Variants in CEP128 observed in about 807,000 individuals in gnomAD.
CEP128 encodes the protein centrosomal protein 128.
CEP128 carries 132 observed loss-of-function variants against 156.7 expected under a neutral mutation model. The ratio of observed to expected loss-of-function variants is 0.84; its 90% confidence interval spans 0.73 to 0.97. The LOEUF (loss-of-function observed/expected upper bound fraction) is 0.97. Among genes scored for constraint, CEP128 ranks in the 50% least tolerant of loss-of-function variants. The pLI is 0.00. For missense variants in CEP128, 1,252 were observed against 1,281.9 expected (o/e 0.98, Z 0.36); for synonymous variants, 469 against 448.9 (o/e 1.04, Z -0.57).
rs1402344839 is a variant in CEP128, at chr14:80,635,685, G to A, written c.2807-55262C>T. On this transcript the variant is annotated intron_variant, in intron 19 of 24. Coordinates refer to ENST00000555265, the MANE Select transcript of CEP128 (RefSeq NM_152446.5). ...TCTTATGTAAAGCAGATTTATCAGC[G>A]AACAAAGGAACTTAATTCTGGTGAC... 3.3e-5 allele frequency among the ~76,000 whole-genome samples: 5 copies of A among 152,278 alleles called. No homozygotes were observed. In the East Asian group the frequency reaches 9.7e-4, roughly 29 times the overall value.
intron 19 of CEP128, among the ~76,000 whole-genome samples, chr14:80,638,448 A>G (rs1487444624): frequency 6.6e-6 from 1 of 152,094 alleles, no homozygotes. Flanking sequence ...ATGGGCACAG[A>G]GGACCTGGAA....
chr14:80,696,081 G>A (rs936779861), intron 19 of CEP128, among the ~76,000 whole-genome samples: 5 of 151,982 alleles, frequency 3.3e-5, no homozygotes, highest in Non-Finnish European at 2.9e-5. Flanking sequence ...AAACTAAAAC[G>A]CGGTAGAGGA....
At chr14:80,709,170 G>A (rs982538680) in intron 19 of CEP128, among the ~76,000 whole-genome samples, 1 of 149,386 alleles carries the variant, frequency 6.7e-6, no homozygotes, top group African/African-American at 2.5e-5. Flanking sequence ...ACGGAGTTTC[G>A]CTCTTGTCAT....
intron 21 of CEP128, among the ~76,000 whole-genome samples, chr14:80,552,717 T>C (rs768472713): frequency 6.6e-6 from 1 of 152,232 alleles, no homozygotes; most frequent in Non-Finnish European, 1.5e-5. Context: ...TGCTTGCTTA[T>C]GCACTTTGCC....
At chr14:80,626,292 G>A (rs1056079322) in intron 19 of CEP128, among the ~76,000 whole-genome samples, 3 of 150,930 alleles carry the variant, frequency 2.0e-5, no homozygotes, top group Non-Finnish European at 3.0e-5. Context: ...GTGAAACCCC[G>A]TCTCTACTAA....
intron 2 of CEP128, among the ~76,000 whole-genome samples, chr14:80,932,829 T>C (rs1221809639): frequency 1.3e-5 from 2 of 152,136 alleles, no homozygotes; most frequent in Non-Finnish European, 2.9e-5. Flanking sequence ...TTGTCCTCCA[T>C]GAAAAGTGCC....
intron 19 of CEP128, among the ~76,000 whole-genome samples, chr14:80,586,185 T>G (rs1047793792): frequency 9.2e-5 from 14 of 152,286 alleles, no homozygotes; most frequent in Admixed American, 3.3e-4. Context: ...AAATTATAAA[T>G]AGGTAATTTA....
intron 9 of CEP128, among the ~76,000 whole-genome samples, chr14:80,852,656 A>AT (rs1458840448): frequency 6.6e-6 from 1 of 151,924 alleles, no homozygotes; most frequent in Non-Finnish European, 1.5e-5. Context: ...CCCAATAAAC[A>AT]TTAAAAAAAA....
chr14:80,794,942 T>C (rs1469976888), intron 13 of CEP128, among the ~76,000 whole-genome samples: 1 of 152,026 alleles, frequency 6.6e-6, no homozygotes, highest in Non-Finnish European at 1.5e-5. Flanking sequence ...AGTACTCGAG[T>C]TATACCAAAG....
chr14:80,857,309 C>T (rs373164131), intron 9 of CEP128, among the ~76,000 whole-genome samples: 27 of 151,346 alleles, frequency 1.8e-4, no homozygotes, highest in Middle Eastern at 3.4e-3. Context: ...TACCCCCACT[C>T]CACTAAACTA....
Position 80,532,520 on chromosome 14 carries a change from C to T in CEP128, c.2881-1634G>A, listed in dbSNP as rs147682284. ...CACAGCATATACTTTATGTCTTTCACGGGGTTCAGGGTAGAGGCACATATG... is the reference window on the plus strand; with the variant it reads ...CACAGCATATACTTTATGTCTTTCATGGGGTTCAGGGTAGAGGCACATATG... On this transcript the variant is annotated intron_variant, in intron 21 of 24. Transcript: ENST00000555265. Among the ~76,000 whole-genome samples the T allele has an allele frequency of 1.8e-3, 281 of 152,258 alleles. 1 individual carries two copies. The highest frequency in any genetic ancestry group is 3.4e-3 in the Middle Eastern group (1 of 294).
chr14:80,538,705 C>T (rs933488293), intron 21 of CEP128, among the ~76,000 whole-genome samples: 2 of 152,180 alleles, frequency 1.3e-5, no homozygotes, highest in Admixed American at 6.5e-5. Context: ...AACTCCACTT[C>T]ATTATTTTTT....
At chr14:80,832,730 A>G (rs1182233378) in intron 12 of CEP128, among the ~76,000 whole-genome samples, 2 of 152,226 alleles carry the variant, frequency 1.3e-5, no homozygotes, top group African/African-American at 4.8e-5. Flanking sequence ...CATAAAGCAT[A>G]CAGGTACAAA....
At chr14:80,664,283 T>C (rs1401407521) in intron 19 of CEP128, among the ~76,000 whole-genome samples, 1 of 152,172 alleles carries the variant, frequency 6.6e-6, no homozygotes, top group South Asian at 2.1e-4. Flanking sequence ...TCAGAAGCAA[T>C]AGACAGAGTT....
intron 16 of CEP128, among the ~76,000 whole-genome samples, chr14:80,774,939 T>C (rs958473259): frequency 6.6e-6 from 1 of 152,220 alleles, no homozygotes; most frequent in African/African-American, 2.4e-5. Context: ...TGTGGCTTTA[T>C]GATTAGGTAA....
chr14:80,621,229 G>A (rs1893465528), intron 19 of CEP128, among the ~76,000 whole-genome samples: 1 of 152,128 alleles, frequency 6.6e-6, no homozygotes, highest in African/African-American at 2.4e-5. Flanking sequence ...CGTAAGAAAA[G>A]CTTAGTTAGT....
In CEP128 at chr14:80,836,572, C is replaced by T. The variant is rs1886089198; in HGVS notation, c.925-235G>A. Among the ~76,000 whole-genome samples, 3 of 151,106 alleles carry T rather than the reference C, an allele frequency of 2.0e-5. 1 individual carries two copies. The South Asian group carries it at 6.2e-4, about 31-fold the overall frequency. On this transcript the variant is annotated intron_variant, in intron 11 of 24. Transcript: ENST00000555265. Reference sequence around the variant, plus strand: ...TGGAATGTGACTAGATTTTTTTTTTCATCACTTATTTTGTCCTCAGTCTAC... The same window carrying T: ...TGGAATGTGACTAGATTTTTTTTTTTATCACTTATTTTGTCCTCAGTCTAC...
At chr14:80,701,260 G>A (rs1405116883) in intron 19 of CEP128, among the ~76,000 whole-genome samples, 3 of 152,178 alleles carry the variant, frequency 2.0e-5, no homozygotes, top group African/African-American at 7.2e-5. Context: ...AGCTGAGAGT[G>A]TAGCTGGGGC....
intron 8 of CEP128, among the ~76,000 whole-genome samples, chr14:80,883,666 CCAAAG>C (rs1200101705): frequency 6.6e-6 from 1 of 151,876 alleles, no homozygotes; most frequent in African/African-American, 2.4e-5. Context: ...TCCATACTAC[CCAAAG>C]CAATCTACAG....
Sources: allele counts gnomAD v4.1 joint callset (sites outside exome capture counted in the v4.1 genomes callset), GRCh38; gene constraint gnomAD v4.1.1; transcripts MANE v1.5; gene names NCBI Gene and HGNC (gene_info 2026-07-23, HGNC 2026-07-21).